Variants in CPLANE1 observed in about 807,000 individuals in gnomAD.
CPLANE1 encodes the protein ciliogenesis and planar polarity effector 1.
In CPLANE1, 263 loss-of-function variants were observed where a neutral mutation model predicts 362.5. The ratio of observed to expected loss-of-function variants is 0.73; its 90% CI spans 0.66 to 0.80. CPLANE1 has a LOEUF of 0.80. Ranked by LOEUF, CPLANE1 falls within the 30% of genes least tolerant of loss-of-function variation. The pLI, the probability that CPLANE1 is intolerant of heterozygous loss-of-function variation, is 0.00. For synonymous variants in CPLANE1, 1,212 were observed against 1,302.6 expected (o/e 0.93, Z 1.50); for missense variants, 3,461 against 3,793.4 (o/e 0.91, Z 2.30).
chr5:37,211,872 A>G (rs903499916), intron 16 of CPLANE1: 1 of 789,014 alleles, frequency 1.3e-6, no homozygotes, highest in African/African-American at 1.7e-5. Flanking sequence ...GAATGTGCCA[A>G]GGCAGTTTGA....
chr5:37,239,608 GAA>G, intron 7 of CPLANE1, 103 bp downstream of exon 7: 2 of 527,072 alleles, frequency 3.8e-6, no homozygotes, highest in Non-Finnish European at 5.4e-6. Context: ...AAACCAGAAA[GAA>G]AAAAAAAATG....
intron 8 of CPLANE1, among the ~76,000 whole-genome samples, chr5:37,235,729 C>T (rs1798831753): frequency 6.6e-6 from 1 of 151,920 alleles, no homozygotes; most frequent in Non-Finnish European, 1.5e-5. Context: ...CACACCATCA[C>T]ACCAGCTAAT....
chr5:37,146,399 G>A (rs923207461), intron 43 of CPLANE1, among the ~76,000 whole-genome samples: 6 of 152,082 alleles, frequency 3.9e-5, no homozygotes, highest in Admixed American at 3.3e-4. Context: ...GGCTGGTTTC[G>A]AACTCCTGAT....
rs533310477 is a variant in CPLANE1, at chr5:37,226,756, T to C, written c.1839A>G (p.Lys613=). 3.6e-5 allele frequency: 55 copies of C among 1,543,028 alleles called. No individual in the cohort carries two copies. In the South Asian group the frequency reaches 3.7e-4, roughly 10 times the overall value. ...THFFYILQFI[K]CPFPKLDLVL... is the part of the protein sequence containing the mutation. Reference sequence around the variant, plus strand: ...CAAGATCAAGTTTAGGAAAAGGACATTTTATAAATTGAAGAATGTAAAAAA... The same window carrying C: ...CAAGATCAAGTTTAGGAAAAGGACACTTTATAAATTGAAGAATGTAAAAAA... The change falls in exon 12 of 53, where the codon AAA becomes AAG. Residue 613 remains lysine (K), a synonymous_variant. Coordinates refer to ENST00000651892, the MANE Select transcript of CPLANE1 (RefSeq NM_001384732.1).
Position 37,182,952 on chromosome 5 carries a change from T to C in CPLANE1, c.5229A>G (p.Ile1743Met). Reference sequence around the variant, plus strand: ...TTATCATCCATTCCAGCAGTCTTCCTATACTGCCAAAAGTGTTTAGTGCTA... The same window carrying C: ...TTATCATCCATTCCAGCAGTCTTCCCATACTGCCAAAAGTGTTTAGTGCTA... ...LPLALNTFGS[I>M]GRLLEWMIRW... The change falls in exon 26 of 53, where the codon ATA becomes ATG. Residue 1743 changes from isoleucine (I) to methionine (M), a missense_variant. This residue lies in a region of CPLANE1 where 3,380 missense variants were observed against 3,666.1 expected (regional missense o/e 0.92). Coordinates refer to ENST00000651892, the MANE Select transcript of CPLANE1 (RefSeq NM_001384732.1). 3 of 1,606,254 alleles carry C rather than the reference T, an allele frequency of 1.9e-6. No homozygotes were observed. Among genetic ancestry groups the C allele is most frequent in the Middle Eastern group, 1.7e-4 (1 of 6,010 alleles).
At chr5:37,200,027 C>T (rs577210132) in intron 19 of CPLANE1, among the ~76,000 whole-genome samples, 1 of 152,292 alleles carries the variant, frequency 6.6e-6, no homozygotes, top group East Asian at 1.9e-4. Flanking sequence ...TGTTAGTGGC[C>T]ATTCTGCTCC....
intron 5 of CPLANE1, among the ~76,000 whole-genome samples, chr5:37,243,792 A>G (rs1438103333): frequency 1.4e-5 from 2 of 147,166 alleles, no homozygotes; most frequent in Non-Finnish European, 3.0e-5. Flanking sequence ...CATATATAAT[A>G]TACCATATAA....
chr5:37,135,554 G>T (rs986621539), intron 46 of CPLANE1, among the ~76,000 whole-genome samples: 4 of 152,116 alleles, frequency 2.6e-5, no homozygotes, highest in Non-Finnish European at 5.9e-5. Flanking sequence ...CATCAGATTG[G>T]CCAGGTGCAG....
In CPLANE1 at chr5:37,106,419, G is replaced by C. The variant is rs1008589368; in HGVS notation, c.*1183C>G. ...CTGATTTGATTGCTACACATTGTAT[G>C]CACATATCAAAATATCACATGCACC... On this transcript the variant is annotated 3_prime_UTR_variant, in exon 53 of 53. Transcript: ENST00000651892. 4.7e-6 allele frequency: 1 copy of C among 212,540 alleles called. No individual in the cohort carries two copies. Among genetic ancestry groups the C allele is most frequent in the Non-Finnish European group, 8.1e-6 (1 of 123,544 alleles). 13.2% of individuals were successfully genotyped at this position (212,540 alleles called of 1,614,324 possible).
chr5:37,167,727 G>A (rs1778667003), intron 34 of CPLANE1, among the ~76,000 whole-genome samples: 1 of 152,224 alleles, frequency 6.6e-6, no homozygotes, highest in Admixed American at 6.5e-5. Flanking sequence ...GCAGTGAGCT[G>A]AGATGGCGCC....
Position 37,174,046 on chromosome 5 carries a change from C to T in CPLANE1, c.5979-99G>A, listed in dbSNP as rs1194049990. 56 of 1,030,362 alleles carry T rather than the reference C, an allele frequency of 5.4e-5. 3 individuals carry two copies. The South Asian group carries it at 8.8e-4, about 16-fold the overall frequency. The allele number at this position is 1,030,362 out of a possible 1,614,324, so 63.8% of individuals were successfully genotyped here. On this transcript the variant is annotated intron_variant, in intron 31 of 52. Transcript: ENST00000651892. ...ATATTTTGATCCCACTTTTGTCTTC[C>T]AATTTAAAGGTTATTCTAGTAGTTT...
chr5:37,174,622 T>C (rs1780663944), intron 31 of CPLANE1, among the ~76,000 whole-genome samples: 1 of 152,084 alleles, frequency 6.6e-6, no homozygotes, highest in Non-Finnish European at 1.5e-5. Flanking sequence ...ACATAGCAGA[T>C]ACTCAAAGTT....
At chr5:37,136,936 T>C (rs552452478) in intron 46 of CPLANE1, among the ~76,000 whole-genome samples, 4 of 152,290 alleles carry the variant, frequency 2.6e-5, no homozygotes, top group Admixed American at 2.6e-4. Context: ...TCTGGGCCTG[T>C]GATGGGAGGG....
At chr5:37,188,409 T>C (rs1162826135) in intron 21 of CPLANE1, among the ~76,000 whole-genome samples, 3 of 152,218 alleles carry the variant, frequency 2.0e-5, no homozygotes, top group Admixed American at 2.0e-4. Flanking sequence ...TAATAGGACC[T>C]TTTCAACGGG....
At chr5:37,088,118 T>A in the CPLANE1 span, among the ~76,000 whole-genome samples, 1 of 152,094 alleles carries the variant, frequency 6.6e-6, no homozygotes, top group African/African-American at 2.4e-5. Flanking sequence ...TTCCCAAAAG[T>A]GGAGTTCAAC....
the CPLANE1 span, among the ~76,000 whole-genome samples, chr5:37,079,373 A>C: frequency 6.6e-6 from 1 of 152,080 alleles, no homozygotes; most frequent in African/African-American, 2.4e-5. Flanking sequence ...AGGTGTGCTA[A>C]ATTCTTAATA....
At chr5:37,225,130 C>T (rs1796171853) in intron 12 of CPLANE1, among the ~76,000 whole-genome samples, 1 of 151,706 alleles carries the variant, frequency 6.6e-6, no homozygotes, top group Non-Finnish European at 1.5e-5. Context: ...ATTGCAGTGG[C>T]TCCATCACAG....
Position 37,199,960 on chromosome 5 carries a change from A to C in CPLANE1, c.3508-1094T>G, listed in dbSNP as rs138102726. Reference sequence around the variant, plus strand: ...ATGCTGGGACAGAAATAATTTTGCCACTTCTCTTTGTCTCAATCACTGTGC... The same window carrying C: ...ATGCTGGGACAGAAATAATTTTGCCCCTTCTCTTTGTCTCAATCACTGTGC... On this transcript the variant is annotated intron_variant, in intron 19 of 52. Coordinates refer to ENST00000651892, the MANE Select transcript of CPLANE1 (RefSeq NM_001384732.1). Among the ~76,000 whole-genome samples, 13 of 152,298 alleles carry C rather than the reference A, an allele frequency of 8.5e-5. No homozygotes were observed. The East Asian group carries it at 2.3e-3, about 27-fold the overall frequency.
chr5:37,165,205 C>T (rs190794940), intron 36 of CPLANE1, among the ~76,000 whole-genome samples: 10 of 152,170 alleles, frequency 6.6e-5, no homozygotes, highest in Admixed American at 3.3e-4. Context: ...TCTCAGAGAA[C>T]GGTGAAACTG....
Sources: gnomAD v4.1 joint callset for allele counts (sites outside exome capture counted in the v4.1 genomes callset) on GRCh38, gnomAD v4.1.1 for gene constraint, gnomAD v4.1.1 regional missense constraint, MANE v1.5 for transcripts, NCBI Gene and HGNC (gene_info 2026-07-23, HGNC 2026-07-21) for gene names.